Variants in NPB observed in about 807,000 individuals in gnomAD.
NPB encodes neuropeptide B.
In NPB, 8 loss-of-function variants were observed where a neutral mutation model predicts 6.7. The observed-to-expected ratio is 1.20, with a 90% CI of 0.71 to 2.17. NPB has a LOEUF of 2.17. Ranked by LOEUF, NPB falls within the 30% of genes most tolerant of loss-of-function variation. The probability of loss-of-function intolerance (pLI) is 0.00; values close to 1 mark genes in which losing one functional copy is unlikely to be tolerated. For missense variants in NPB, 199 were observed against 190.2 expected (o/e 1.05, Z -0.27); for synonymous variants, 118 against 103.4 (o/e 1.14, Z -0.86).
chr17:81,902,246 A>G lies in NPB; in HGVS notation c.-32A>G. ...CAGGCGGTGGCTGCTCCGAGCCCGGACGCCGCCGCCCACCAGTCAGCCGGC... is the reference window on the plus strand; with the variant it reads ...CAGGCGGTGGCTGCTCCGAGCCCGGGCGCCGCCGCCCACCAGTCAGCCGGC... On this transcript the variant is annotated 5_prime_UTR_variant, in exon 1 of 2. Transcript: ENST00000333383. 1 of 1,229,160 alleles carries G rather than the reference A, an allele frequency of 8.1e-7. No homozygotes were observed. The highest frequency in any genetic ancestry group is 1.0e-6 in the Non-Finnish European group (1 of 986,436). 76.1% of individuals were successfully genotyped at this position (1,229,160 alleles called of 1,614,324 possible).
chr17:81,902,503 C>T lies in NPB; in HGVS notation c.226C>T (p.Leu76=). Residue 76 remains leucine, a synonymous_variant, in exon 1 of 2, where the codon CTG becomes TTG. Transcript: ENST00000333383. The part of the protein sequence containing the change: ...GGAGASPELQ[L]HPRLRSLAVC... ...GGCCGGCGCCTCCCCGGAGCTGCAA[C>T]TGCACCCCAGGCTGCGGAGCCTCGT... The T allele has an allele frequency of 7.0e-7, 1 of 1,429,170 alleles. No individual in the cohort carries two copies. The highest frequency in any genetic ancestry group is 9.1e-7 in the Non-Finnish European group (1 of 1,098,674). The allele number at this position is 1,429,170 out of a possible 1,614,324, so 88.5% of individuals were successfully genotyped here. A position where few individuals can be genotyped will look rare whatever the true frequency, so the allele number is the denominator to read the frequency against.
chr17:81,902,288 C>A lies in NPB; in HGVS notation c.11C>A (p.Ser4Tyr). The change falls in exon 1 of 2, where the codon TCC (serine) becomes TAC (tyrosine). Residue 4 changes from serine to tyrosine, a missense_variant. Transcript: ENST00000333383. ...TCAGCCGGCGTCCCCATGGCCCGGT[C>A]CGCGACACTGGCGGCCGCCGCCCTG... The part of the protein sequence containing the change: MAR[S>Y]ATLAAAALAL... 1 of 1,319,524 alleles carries A rather than the reference C, an allele frequency of 7.6e-7. No individual in the cohort carries two copies. Among genetic ancestry groups the A allele is most frequent in the South Asian group, 2.2e-5 (1 of 45,570 alleles). 81.7% of individuals were successfully genotyped at this position (1,319,524 alleles called of 1,614,324 possible). A position where few individuals can be genotyped will look rare whatever the true frequency, so the allele number is the denominator to read the frequency against.
At position 81,902,341 on chromosome 17, in the gene NPB, G is replaced by A. The variant is rs1256513960; in HGVS notation, c.64G>A (p.Gly22Ser). ...LALCLLLAPP[G>S]LAWYKPAAGH... is the part of the protein sequence containing the mutation. ...GCTGTGCCTGCTGCTGGCGCCGCCTGGCCTCGCGTGGTACAAGCCAGCGGC... is the reference window on the plus strand; with the variant it reads ...GCTGTGCCTGCTGCTGGCGCCGCCTAGCCTCGCGTGGTACAAGCCAGCGGC... The change falls in exon 1 of 2, where the codon GGC (glycine) becomes AGC (serine). Residue 22 changes from glycine (G) to serine (S), a missense_variant. By Grantham distance (56) the Gly-to-Ser change is moderately conservative. Coordinates refer to ENST00000333383, the MANE Select transcript of NPB (RefSeq NM_148896.5). The A allele has an allele frequency of 3.7e-6, 5 of 1,339,974 alleles. No homozygotes were observed. The East Asian group carries it at 1.2e-4, about 33-fold the overall frequency. 83.0% of individuals were successfully genotyped at this position (1,339,974 alleles called of 1,614,324 possible).
rs2039990631 is a variant in NPB, at chr17:81,902,463, G to A, written c.186G>A (p.Ala62=). ...GGCGCTCCCAGCCCTACAGAGGGGC[G>A]GAACCCCCGGGCGGGGCCGGCGCCT... ...YARRSQPYRG[A]EPPGGAGASP... is the part of the protein sequence containing the mutation. The change falls in exon 1 of 2, where the codon GCG becomes GCA. Residue 62 remains alanine, a synonymous_variant. Transcript: ENST00000333383. 9 of 1,387,544 alleles carry A rather than the reference G, an allele frequency of 6.5e-6. No individual in the cohort carries two copies. The highest frequency in any genetic ancestry group is 8.3e-6 in the Non-Finnish European group (9 of 1,080,082). The allele number at this position is 1,387,544 out of a possible 1,614,324, so 86.0% of individuals were successfully genotyped here. A position where few individuals can be genotyped will look rare whatever the true frequency, so the allele number is the denominator to read the frequency against.
Position 81,902,835 on chromosome 17 carries a change from C to T in NPB, c.*87C>T, listed in dbSNP as rs911111369. The T allele has an allele frequency of 8.5e-7, 1 of 1,181,156 alleles. No homozygotes were observed. The highest frequency in any genetic ancestry group is 1.2e-6 in the Non-Finnish European group (1 of 854,744). 73.2% of individuals were successfully genotyped at this position (1,181,156 alleles called of 1,614,324 possible). On this transcript the variant is annotated 3_prime_UTR_variant, in exon 2 of 2. Coordinates refer to ENST00000333383, the MANE Select transcript of NPB (RefSeq NM_148896.5). ...CAGGCCCCTCCGGCGCGGGATGGCGCCCCAGGTCTCCCCTACTCCGCTCAC... is the reference window on the plus strand; with the variant it reads ...CAGGCCCCTCCGGCGCGGGATGGCGTCCCAGGTCTCCCCTACTCCGCTCAC...
In NPB at chr17:81,902,629, G is replaced by T. The variant is rs575352070; in HGVS notation, c.259G>T (p.Val87Phe). 6.3e-5 allele frequency: 101 copies of T among 1,595,536 alleles called. 1 individual carries two copies. The South Asian group carries it at 1.1e-3, about 17-fold the overall frequency. Residue 87 changes from valine (V) to phenylalanine (F), a missense_variant, in exon 2 of 2, where the codon GTC (valine) becomes TTC (phenylalanine). Val to Phe is a conservative substitution (Grantham distance 50). Transcript: ENST00000333383. The stretch of plus-strand genomic sequence containing the variant: ...CTTGCCTGCCCCCCAGGCTGTGTGC[G>T]TCCAGGACGTCGCCCCAAACCTGCA... The part of the protein sequence containing the change: ...HPRLRSLAVC[V>F]QDVAPNLQRC...
In NPB at chr17:81,902,375, G is replaced by T; in HGVS notation, c.98G>T (p.Ser33Ile). The stretch of plus-strand genomic sequence containing the variant: ...TGGTACAAGCCAGCGGCGGGGCACA[G>T]CTCCTACTCGGTGGGCCGCGCCGCG... ...LAWYKPAAGH[S>I]SYSVGRAAGL... The change falls in exon 1 of 2, where the codon AGC becomes ATC. Residue 33 changes from serine to isoleucine, a missense_variant. Coordinates refer to ENST00000333383, the MANE Select transcript of NPB (RefSeq NM_148896.5). 7.4e-7 allele frequency: 1 copy of T among 1,342,924 alleles called. No individual in the cohort carries two copies. The highest frequency in any genetic ancestry group is 9.5e-7 in the Non-Finnish European group (1 of 1,054,412). The allele number at this position is 1,342,924 out of a possible 1,614,324, so 83.2% of individuals were successfully genotyped here.
Position 81,902,624 on chromosome 17 carries a change from T to G in NPB, c.254T>G (p.Val85Gly). Reference sequence around the variant, plus strand: ...CTTTGCTTGCCTGCCCCCCAGGCTGTGTGCGTCCAGGACGTCGCCCCAAAC... The same window carrying G: ...CTTTGCTTGCCTGCCCCCCAGGCTGGGTGCGTCCAGGACGTCGCCCCAAAC... ...QLHPRLRSLA[V>G]CVQDVAPNLQ... Residue 85 changes from valine (V) to glycine (G), a missense_variant, in exon 2 of 2, where the codon GTG becomes GGG. Coordinates refer to ENST00000333383, the MANE Select transcript of NPB (RefSeq NM_148896.5). The G allele has an allele frequency of 6.3e-7, 1 of 1,591,708 alleles. No individual in the cohort carries two copies. The highest frequency in any genetic ancestry group is 8.5e-7 in the Non-Finnish European group (1 of 1,172,514).
chr17:81,902,411 C>G lies in NPB; in HGVS notation c.134C>G (p.Ser45Cys), dbSNP rs926909028. ...GTGGGCCGCGCCGCGGGGCTGCTGT[C>G]CGGCCTCCGCAGGTCCCCGTACGCG... ...YSVGRAAGLL[S>C]GLRRSPYARR... The change falls in exon 1 of 2, where the codon TCC (serine) becomes TGC (cysteine). Residue 45 changes from serine to cysteine, a missense_variant. Physicochemically the swap from Ser to Cys is moderately radical, Grantham distance 112. Coordinates refer to ENST00000333383, the MANE Select transcript of NPB (RefSeq NM_148896.5). 3 of 1,347,740 alleles carry G rather than the reference C, an allele frequency of 2.2e-6. No individual in the cohort carries two copies. Among genetic ancestry groups the G allele is most frequent in the African/African-American group, 3.1e-5 (2 of 64,852 alleles). The allele number at this position is 1,347,740 out of a possible 1,614,324, so 83.5% of individuals were successfully genotyped here.
rs905191833 is a variant in NPB, at chr17:81,902,284, C to T, written c.7C>T (p.Arg3Trp). The change falls in exon 1 of 2, where the codon CGG (arginine) becomes TGG (tryptophan). Residue 3 changes from arginine to tryptophan, a missense_variant. Transcript: ENST00000333383. MA[R>W]SATLAAAALA... Reference sequence around the variant, plus strand: ...CCAGTCAGCCGGCGTCCCCATGGCCCGGTCCGCGACACTGGCGGCCGCCGC... The same window carrying T: ...CCAGTCAGCCGGCGTCCCCATGGCCTGGTCCGCGACACTGGCGGCCGCCGC... 25 of 1,309,154 alleles carry T rather than the reference C, an allele frequency of 1.9e-5. No homozygotes were observed. The highest frequency in any genetic ancestry group is 4.6e-5 in the South Asian group (2 of 43,286). The allele number at this position is 1,309,154 out of a possible 1,614,324, so 81.1% of individuals were successfully genotyped here. A position where few individuals can be genotyped will look rare whatever the true frequency, so the allele number is the denominator to read the frequency against.
At position 81,902,420 on chromosome 17, in the gene NPB, G is replaced by C. The variant is rs1433832759; in HGVS notation, c.143G>C (p.Arg48Pro). 1 of 1,351,182 alleles carries C rather than the reference G, an allele frequency of 7.4e-7. No individual in the cohort carries two copies. Among genetic ancestry groups the C allele is most frequent in the Admixed American group, 4.1e-5 (1 of 24,424 alleles). 83.7% of individuals were successfully genotyped at this position (1,351,182 alleles called of 1,614,324 possible). A position where few individuals can be genotyped will look rare whatever the true frequency, so the allele number is the denominator to read the frequency against. The change falls in exon 1 of 2, where the codon CGC becomes CCC. Residue 48 changes from arginine to proline, a missense_variant. Physicochemically the swap from Arg to Pro is moderately radical, Grantham distance 103. Transcript: ENST00000333383. Reference protein sequence around the residue: ...GRAAGLLSGLRRSPYARRSQP... With the variant: ...GRAAGLLSGLPRSPYARRSQP... Reference sequence around the variant, plus strand: ...GCCGCGGGGCTGCTGTCCGGCCTCCGCAGGTCCCCGTACGCGCGGCGCTCC... The same window carrying C: ...GCCGCGGGGCTGCTGTCCGGCCTCCCCAGGTCCCCGTACGCGCGGCGCTCC...
In NPB at chr17:81,902,780, C is replaced by T. The variant is rs370783148; in HGVS notation, c.*32C>T. ...ACCTCTCCTGGCACCGCTGGGGGCC[C>T]CCCGCCCCCACCGTCCCACTCGGTG... On this transcript the variant is annotated 3_prime_UTR_variant, in exon 2 of 2. Transcript: ENST00000333383. The T allele has an allele frequency of 1.4e-5, 22 of 1,575,684 alleles. No homozygotes were observed. Among genetic ancestry groups the T allele is most frequent in the Non-Finnish European group, 1.9e-5 (22 of 1,163,590 alleles).
At position 81,902,806 on chromosome 17, in the gene NPB, AC is replaced by A; in HGVS notation, c.*62del. On this transcript the variant is annotated 3_prime_UTR_variant, in exon 2 of 2. Coordinates refer to ENST00000333383, the MANE Select transcript of NPB (RefSeq NM_148896.5). ...CCCGCCCCCACCGTCCCACTCGGTG[AC>A]CCCAGGCCCCTCCGGCGCGGGATGG... 1.3e-6 allele frequency: 2 copies of A among 1,489,084 alleles called. No individual in the cohort carries two copies. 92.2% of individuals were successfully genotyped at this position (1,489,084 alleles called of 1,614,324 possible).
In NPB at chr17:81,902,730, C is replaced by T. The variant is rs2040009166; in HGVS notation, c.360C>T (p.Ala120=). The change falls in exon 2 of 2, where the codon GCC becomes GCT. Residue 120 remains alanine (A), a synonymous_variant. Coordinates refer to ENST00000333383, the MANE Select transcript of NPB (RefSeq NM_148896.5). ...KANVFLSLRA[A]DCLAA ...ACGTCTTCCTGTCCCTGCGCGCAGC[C>T]GACTGCCTCGCCGCCTGAGCCCGGA... 2 of 1,607,576 alleles carry T rather than the reference C, an allele frequency of 1.2e-6. No individual in the cohort carries two copies. Among genetic ancestry groups the T allele is most frequent in the Non-Finnish European group, 8.5e-7 (1 of 1,178,194 alleles).
In NPB at chr17:81,902,382, C is replaced by G. The variant is rs988293533; in HGVS notation, c.105C>G (p.Tyr35Ter). The G allele has an allele frequency of 4.5e-5, 61 of 1,343,014 alleles. No homozygotes were observed. In the African/African-American group the frequency reaches 9.0e-4, roughly 20 times the overall value. The allele number at this position is 1,343,014 out of a possible 1,614,324, so 83.2% of individuals were successfully genotyped here. A position where few individuals can be genotyped will look rare whatever the true frequency, so the allele number is the denominator to read the frequency against. ...WYKPAAGHSS[Y>*]SVGRAAGLLS... ...AGCCAGCGGCGGGGCACAGCTCCTACTCGGTGGGCCGCGCCGCGGGGCTGC... is the reference window on the plus strand; with the variant it reads ...AGCCAGCGGCGGGGCACAGCTCCTAGTCGGTGGGCCGCGCCGCGGGGCTGC... The change falls in exon 1 of 2, where the codon TAC becomes TAG. Residue 35 changes from tyrosine (Y) to a stop codon, truncating the protein, a stop_gained. Transcript: ENST00000333383. LOFTEE classifies it high-confidence loss of function.
chr17:81,902,399 C>G lies in NPB; in HGVS notation c.122C>G (p.Ala41Gly), dbSNP rs1166421060. 7 of 1,343,560 alleles carry G rather than the reference C, an allele frequency of 5.2e-6. No individual in the cohort carries two copies. The East Asian group carries it at 2.2e-4, about 42-fold the overall frequency. The allele number at this position is 1,343,560 out of a possible 1,614,324, so 83.2% of individuals were successfully genotyped here. The change falls in exon 1 of 2, where the codon GCG (alanine) becomes GGG (glycine). Residue 41 changes from alanine (A) to glycine (G), a missense_variant. Transcript: ENST00000333383. ...GHSSYSVGRA[A>G]GLLSGLRRSP... The stretch of plus-strand genomic sequence containing the variant: ...AGCTCCTACTCGGTGGGCCGCGCCG[C>G]GGGGCTGCTGTCCGGCCTCCGCAGG...
rs2040015258 is a variant in NPB, at chr17:81,902,814, C to G, written c.*66C>G. On this transcript the variant is annotated 3_prime_UTR_variant, in exon 2 of 2. Transcript: ENST00000333383. ...CACCGTCCCACTCGGTGACCCCAGGCCCCTCCGGCGCGGGATGGCGCCCCA... is the reference window on the plus strand; with the variant it reads ...CACCGTCCCACTCGGTGACCCCAGGGCCCTCCGGCGCGGGATGGCGCCCCA... 6.8e-7 allele frequency: 1 copy of G among 1,460,012 alleles called. No homozygotes were observed. The highest frequency in any genetic ancestry group is 2.3e-5 in the Admixed American group (1 of 44,334). 90.4% of individuals were successfully genotyped at this position (1,460,012 alleles called of 1,614,324 possible).
Position 81,902,672 on chromosome 17 carries a change from C to G in NPB, c.302C>G (p.Pro101Arg). The change falls in exon 2 of 2, where the codon CCC (proline) becomes CGC (arginine). Residue 101 changes from proline to arginine, a missense_variant. Transcript: ENST00000333383. ...APNLQRCERLPDGRGTYQCKA... is the reference protein window; with the variant it reads ...APNLQRCERLRDGRGTYQCKA... ...AACCTGCAGAGGTGCGAGCGGCTCCCCGACGGCCGCGGGACCTACCAGTGC... is the reference window on the plus strand; with the variant it reads ...AACCTGCAGAGGTGCGAGCGGCTCCGCGACGGCCGCGGGACCTACCAGTGC... The G allele has an allele frequency of 6.2e-7, 1 of 1,608,048 alleles. No homozygotes were observed. Among genetic ancestry groups the G allele is most frequent in the Non-Finnish European group, 8.5e-7 (1 of 1,178,642 alleles).
At position 81,902,804 on chromosome 17, in the gene NPB, T is replaced by C. The variant is rs1316977251; in HGVS notation, c.*56T>C. 1 of 1,529,908 alleles carries C rather than the reference T, an allele frequency of 6.5e-7. No homozygotes were observed. The allele number at this position is 1,529,908 out of a possible 1,614,324, so 94.8% of individuals were successfully genotyped here. On this transcript the variant is annotated 3_prime_UTR_variant, in exon 2 of 2. Coordinates refer to ENST00000333383, the MANE Select transcript of NPB (RefSeq NM_148896.5). ...CCCCCGCCCCCACCGTCCCACTCGG[T>C]GACCCCAGGCCCCTCCGGCGCGGGA...
Sources: allele counts gnomAD v4.1 joint callset, GRCh38; gene constraint gnomAD v4.1.1; transcripts MANE v1.5; gene names NCBI Gene and HGNC (gene_info 2026-07-23, HGNC 2026-07-21).